The following FMO5 variants were observed in gnomAD, a reference collection of about 807,000 sequenced individuals.
The protein encoded by FMO5 is flavin containing dimethylaniline monoxygenase 5, also known as flavin-containing monooxygenase 5.
A neutral mutation model predicts 43.6 loss-of-function variants in FMO5; 51 were observed. The ratio of observed to expected loss-of-function variants is 1.17; its 90% CI spans 0.93 to 1.48. FMO5 has a LOEUF of 1.48. Ranked by LOEUF, FMO5 falls within the 40% of genes most tolerant of loss-of-function variation. The pLI, the probability that FMO5 is intolerant of heterozygous loss-of-function variation, is 0.00. For missense variants in FMO5, 644 were observed against 643.0 expected (o/e 1.00, Z -0.02); for synonymous variants, 187 against 216.5 (o/e 0.86, Z 1.20).
intron 6 of FMO5, chr1:147,203,573 T>G (rs1217956555): frequency 9.8e-7 from 1 of 1,018,526 alleles, no homozygotes; most frequent in African/African-American, 1.6e-5. Context: ...CCAGAGTATT[T>G]CTGCCAGTGC....
intron 8 of FMO5, among the ~76,000 whole-genome samples, chr1:147,189,137 G>T (rs782472365): frequency 2.0e-5 from 3 of 151,998 alleles, no homozygotes; most frequent in Non-Finnish European, 4.4e-5. Flanking sequence ...AGCTGGGTTT[G>T]GTGGTGTGCA....
At chr1:147,190,104 T>G (rs1656416829) in intron 8 of FMO5, 73 bp downstream of exon 8, 8 of 1,023,844 alleles carry the variant, frequency 7.8e-6, no homozygotes, top group Non-Finnish European at 7.5e-6. Context: ...GGCAGTTAAA[T>G]ACAGTACAAT....
At chr1:147,199,951 T>C (rs1182766699) in intron 7 of FMO5, among the ~76,000 whole-genome samples, 2 of 152,186 alleles carry the variant, frequency 1.3e-5, no homozygotes, top group Non-Finnish European at 2.9e-5. Context: ...AATTTTGTTA[T>C]AACAACCATA....
chr1:147,193,019 C>T lies in FMO5; in HGVS notation c.1184-2770G>A, dbSNP rs1333437413. ...GCTTTGGTATCAGGATGATGCTGGCCTCATAAAATGAGTTAGGGAAGATTC... is the reference window on the plus strand; with the variant it reads ...GCTTTGGTATCAGGATGATGCTGGCTTCATAAAATGAGTTAGGGAAGATTC... On this transcript the variant is annotated intron_variant, in intron 7 of 8. Coordinates refer to ENST00000254090, the MANE Select transcript of FMO5 (RefSeq NM_001461.4). Among the ~76,000 whole-genome samples, 90 of 152,228 alleles carry T rather than the reference C, an allele frequency of 5.9e-4. 1 individual carries two copies. The highest frequency in any genetic ancestry group is 2.1e-3 in the African/African-American group (86 of 41,496).
Position 147,215,748 on chromosome 1 carries a change from T to G in FMO5, c.324+6A>C, listed in dbSNP as rs1661873004. Reference sequence around the variant, plus strand: ...CAAACACAAAGATACCCACACAATTTTCTACCTTAAATCGAATATACTTTA... The same window carrying G: ...CAAACACAAAGATACCCACACAATTGTCTACCTTAAATCGAATATACTTTA... On this transcript the variant is annotated splice_donor_region_variant and intron_variant, in intron 3 of 8. Transcript: ENST00000254090. The G allele has an allele frequency of 6.3e-7, 1 of 1,585,120 alleles. No individual in the cohort carries two copies. The highest frequency in any genetic ancestry group is 1.8e-5 in the Admixed American group (1 of 54,322).
chr1:147,202,234 A>G (rs1659101018), intron 6 of FMO5, among the ~76,000 whole-genome samples: 1 of 151,044 alleles, frequency 6.6e-6, no homozygotes, highest in South Asian at 2.1e-4. Context: ...TGCAAAAGTA[A>G]TTGCTTATTT....
chr1:147,202,073 G>C (rs1553921130), intron 6 of FMO5, among the ~76,000 whole-genome samples: 1 of 152,198 alleles, frequency 6.6e-6, no homozygotes, highest in Non-Finnish European at 1.5e-5. Flanking sequence ...TTGAGGCCTA[G>C]AAAAGTTATG....
At chr1:147,215,518 A>G in intron 3 of FMO5, 1 of 478,682 alleles carries the variant, frequency 2.1e-6, no homozygotes, top group Non-Finnish European at 3.7e-6. Context: ...GAAGGTAATG[A>G]AAACACTCTG....
chr1:147,201,542 G>C (rs1658973360), intron 6 of FMO5, 38 bp from the exon 7 acceptor site: 1 of 1,531,326 alleles, frequency 6.5e-7, no homozygotes. Context: ...AGAAATGAGA[G>C]AAAGAGAAAT....
intron 7 of FMO5, among the ~76,000 whole-genome samples, chr1:147,198,741 C>G (rs1035828631): frequency 8.0e-5 from 12 of 149,268 alleles, no homozygotes; most frequent in Admixed American, 4.8e-4. Flanking sequence ...GTCCCAGCTA[C>G]TGGGGAGGCT....
intron 7 of FMO5, among the ~76,000 whole-genome samples, chr1:147,194,364 A>G (rs1448242690): frequency 2.0e-5 from 3 of 151,918 alleles, no homozygotes; most frequent in African/African-American, 7.3e-5. Context: ...TGCTTGGTAG[A>G]TCTTCCTCCA....
chr1:147,209,872 T>C (rs952902346), intron 5 of FMO5: 2 of 152,218 alleles, frequency 1.3e-5, no homozygotes, highest in Non-Finnish European at 2.9e-5. Flanking sequence ...GCCATTGACA[T>C]TGTTGGCATT....
intron 5 of FMO5, chr1:147,210,609 A>G (rs970804710): frequency 2.0e-5 from 3 of 152,202 alleles, no homozygotes; most frequent in African/African-American, 4.8e-5. Flanking sequence ...TGCTGGCTAT[A>G]TAACTTCTGC....
chr1:147,209,985 G>A (rs587720665), intron 5 of FMO5: 8 of 152,320 alleles, frequency 5.3e-5, no homozygotes, highest in Admixed American at 5.2e-4. Flanking sequence ...AGGAGATAAA[G>A]CCTACACATC....
intron 3 of FMO5, among the ~76,000 whole-genome samples, chr1:147,213,721 C>T (rs1530335): frequency 0.093 from 14,090 of 152,164 alleles, 734 homozygotes; most frequent in African/African-American, 0.15. Context: ...TGCAAGTCAC[C>T]AGGTCTCTTG....
At position 147,202,600 on chromosome 1, in the gene FMO5, G is replaced by A. The variant is rs1355324211; in HGVS notation, c.831-1096C>T. On this transcript the variant is annotated intron_variant, in intron 6 of 8. Transcript: ENST00000254090. ...CCCAAAGTGCTGGGATTACAGGCGT[G>A]AGCCACAGCACCTGGCCTAAAAAGT... Among the ~76,000 whole-genome samples, 5 of 152,086 alleles carry A rather than the reference G, an allele frequency of 3.3e-5. No individual in the cohort carries two copies. The East Asian group carries it at 7.7e-4, about 23-fold the overall frequency.
Position 147,190,318 on chromosome 1 carries a change from A to G in FMO5, c.1184-69T>C, listed in dbSNP as rs1038556247. Reference sequence around the variant, plus strand: ...AGGAACAATAATCCTATAAACAATTACTATGCTATGGAGAATTCAAAGAAA... The same window carrying G: ...AGGAACAATAATCCTATAAACAATTGCTATGCTATGGAGAATTCAAAGAAA... On this transcript the variant is annotated intron_variant, in intron 7 of 8. Transcript: ENST00000254090. 1.1e-5 allele frequency: 11 copies of G among 982,244 alleles called. No individual in the cohort carries two copies. In the African/African-American group the frequency reaches 1.3e-4, roughly 12 times the overall value. The allele number at this position is 982,244 out of a possible 1,614,324, so 60.8% of individuals were successfully genotyped here.
At chr1:147,215,989 T>G in intron 2 of FMO5, 47 bp from the exon 3 acceptor site, 1 of 1,416,546 alleles carries the variant, frequency 7.1e-7, no homozygotes, top group Admixed American at 2.0e-5. Context: ...ATCATCTTCA[T>G]GTTTTATAAT....
At position 147,209,068 on chromosome 1, in the gene FMO5, ATTGT is replaced by A; in HGVS notation, c.631-21_631-18del. ...GAGGAAAACCTGGGGCATGGAAGAAATTGTTTGCTTTTGTCACTCAGATTCGTAA... is the reference window on the plus strand; with the variant it reads ...GAGGAAAACCTGGGGCATGGAAGAAATTGCTTTTGTCACTCAGATTCGTAA... On this transcript the variant is annotated intron_variant, in intron 5 of 8. Coordinates refer to ENST00000254090, the MANE Select transcript of FMO5 (RefSeq NM_001461.4). 1.2e-6 allele frequency: 2 copies of A among 1,607,676 alleles called. No homozygotes were observed. Among genetic ancestry groups the A allele is most frequent in the African/African-American group, 1.3e-5 (1 of 74,758 alleles).
Sources: gnomAD v4.1 joint callset for allele counts (sites outside exome capture counted in the v4.1 genomes callset) on GRCh38, gnomAD v4.1.1 for gene constraint, MANE v1.5 for transcripts, NCBI Gene and HGNC (gene_info 2026-07-23, HGNC 2026-07-21) for gene names.